The following DIP2C variants were observed in gnomAD, a reference collection of about 807,000 sequenced individuals.
DIP2C encodes the protein DIP2 acetate--CoA ligase C (putative).
Under a neutral mutation model 192.4 loss-of-function variants are expected in DIP2C, and 33 were observed. The observed-to-expected ratio is 0.17, with a 90% CI of 0.13 to 0.23. The LOEUF (loss-of-function observed/expected upper bound fraction) is 0.23. DIP2C is among the 10% of genes least tolerant of loss of function. The pLI, the probability that DIP2C is intolerant of heterozygous loss-of-function variation, is 1.00. For missense variants in DIP2C, 1,537 were observed against 2,110.1 expected, an observed-to-expected ratio of 0.73 and a Z score of 5.32; for synonymous variants, 979 against 864.1, an observed-to-expected ratio of 1.13 and a Z score of -2.33.
At chr10:659,799 G>A (rs1451583600) in intron 1 of DIP2C, among the ~76,000 whole-genome samples, 2 of 152,214 alleles carry the variant, frequency 1.3e-5, no homozygotes, top group Non-Finnish European at 2.9e-5. Flanking sequence ...CTGACCACTT[G>A]TAAAAGCGTT....
intron 32 of DIP2C, among the ~76,000 whole-genome samples, chr10:306,866 A>T (rs150784707): frequency 1.6e-3 from 243 of 152,252 alleles, no homozygotes; most frequent in Non-Finnish European, 2.8e-3. Context: ...GCTTTACTGC[A>T]CCTGTTCTGA....
intron 1 of DIP2C, among the ~76,000 whole-genome samples, chr10:491,885 G>T (rs528459581): frequency 6.6e-6 from 1 of 152,316 alleles, no homozygotes; most frequent in Non-Finnish European, 1.5e-5. Flanking sequence ...CCCGTCAGGG[G>T]AGGGAGGCAA....
chr10:527,985 C>A (rs1295474616), intron 1 of DIP2C, among the ~76,000 whole-genome samples: 2 of 152,282 alleles, frequency 1.3e-5, no homozygotes, highest in East Asian at 3.9e-4. Context: ...TCACCCTAAG[C>A]CTCCCCCGCC....
At chr10:481,826 G>C (rs1306531915) in intron 2 of DIP2C, among the ~76,000 whole-genome samples, 3 of 152,150 alleles carry the variant, frequency 2.0e-5, no homozygotes, top group African/African-American at 7.2e-5. Context: ...GGGAAGTGAG[G>C]GCTGCCCCGG....
chr10:638,596 C>T (rs1854964228), intron 1 of DIP2C, among the ~76,000 whole-genome samples: 1 of 152,200 alleles, frequency 6.6e-6, no homozygotes. Context: ...AGCACTATCA[C>T]CTAGAACTTG....
intron 1 of DIP2C, among the ~76,000 whole-genome samples, chr10:659,256 G>GCACA (rs1055393966): frequency 6.6e-6 from 1 of 151,986 alleles, no homozygotes; most frequent in Admixed American, 6.6e-5. Flanking sequence ...TGTAACACAT[G>GCACA]CACACACATA....
chr10:538,045 T>C (rs948166471), intron 1 of DIP2C, among the ~76,000 whole-genome samples: 4 of 151,560 alleles, frequency 2.6e-5, no homozygotes, highest in Non-Finnish European at 5.9e-5. Flanking sequence ...TGCCTCGGCC[T>C]CCCAAAAGTG....
intron 14 of DIP2C, among the ~76,000 whole-genome samples, chr10:387,195 T>A (rs992700620): frequency 3.9e-5 from 6 of 152,170 alleles, no homozygotes; most frequent in African/African-American, 1.4e-4. Context: ...AGAAAGATAA[T>A]GATCTCCACG....
At chr10:462,715 C>T (rs540099276) in intron 3 of DIP2C, among the ~76,000 whole-genome samples, 75 of 152,150 alleles carry the variant, frequency 4.9e-4, no homozygotes, top group Non-Finnish European at 9.6e-4. Context: ...GGCAGACACA[C>T]AACAAAAAAA....
intron 1 of DIP2C, among the ~76,000 whole-genome samples, chr10:614,645 C>T (rs1853322136): frequency 6.6e-6 from 1 of 152,260 alleles, no homozygotes; most frequent in Admixed American, 6.5e-5. Context: ...AACATGGCCA[C>T]TGGGCCTGAA....
chr10:378,552 G>A (rs567214688), intron 17 of DIP2C, among the ~76,000 whole-genome samples: 1 of 151,734 alleles, frequency 6.6e-6, no homozygotes, highest in African/African-American at 2.4e-5. Flanking sequence ...AACACATGCA[G>A]ACACGTGAAC....
chr10:561,639 C>T (rs2130998247), intron 1 of DIP2C, among the ~76,000 whole-genome samples: 1 of 152,278 alleles, frequency 6.6e-6, no homozygotes, highest in African/African-American at 2.4e-5. Context: ...CCGCCAGTCA[C>T]AGCTTCCTTC....
At chr10:624,901 A>C (rs1215246481) in intron 1 of DIP2C, among the ~76,000 whole-genome samples, 1 of 151,960 alleles carries the variant, frequency 6.6e-6, no homozygotes. Flanking sequence ...CTGGGGACAG[A>C]GGGGTGGGCC....
At chr10:411,855 G>A (rs964808347) in intron 8 of DIP2C, among the ~76,000 whole-genome samples, 2 of 152,224 alleles carry the variant, frequency 1.3e-5, no homozygotes, top group Non-Finnish European at 2.9e-5. Flanking sequence ...AGTGTTCACT[G>A]CGTTTTCATC....
chr10:639,474 A>G (rs565750380), intron 1 of DIP2C, among the ~76,000 whole-genome samples: 23 of 150,040 alleles, frequency 1.5e-4, no homozygotes, highest in African/African-American at 5.3e-4. Flanking sequence ...CACGGTCCAC[A>G]CATGGGGATG....
rs375629756 is a variant in DIP2C, at chr10:378,744, CAT to C, written c.1991+3901_1991+3902del. Among the ~76,000 whole-genome samples the C allele has an allele frequency of 6.5e-3, 992 of 152,092 alleles. 8 individuals carry two copies. Among genetic ancestry groups the C allele is most frequent in the African/African-American group, 0.022 (922 of 41,444 alleles). On this transcript the variant is annotated intron_variant, in intron 17 of 36. Transcript: ENST00000280886. ...ACGTGAACAGACATGCATAAAGACA[CAT>C]GTGAACACATGCCTAGACACGTGAA...
intron 3 of DIP2C, among the ~76,000 whole-genome samples, chr10:457,558 C>T (rs1013275824): frequency 1.3e-5 from 2 of 152,006 alleles, no homozygotes; most frequent in East Asian, 1.9e-4. Flanking sequence ...AGATTAAATT[C>T]TTTTTTTTCT....
intron 21 of DIP2C, 103 bp from the exon 22 acceptor site, chr10:362,794 G>T: frequency 8.0e-7 from 1 of 1,249,736 alleles, no homozygotes; most frequent in Non-Finnish European, 1.1e-6. Flanking sequence ...AGTCTGTGCA[G>T]TATAAGCACT....
intron 2 of DIP2C, among the ~76,000 whole-genome samples, chr10:486,188 C>T (rs1470665036): frequency 2.6e-5 from 4 of 152,200 alleles, no homozygotes; most frequent in African/African-American, 4.8e-5. Flanking sequence ...CATATTTTTA[C>T]GATTATAGCA....
Sources: allele counts gnomAD v4.1 joint callset (sites outside exome capture counted in the v4.1 genomes callset), GRCh38; gene constraint gnomAD v4.1.1; transcripts MANE v1.5; gene names NCBI Gene and HGNC (gene_info 2026-07-23, HGNC 2026-07-21).